DPYS: variants seen among roughly 807,000 people sequenced by gnomAD.
DPYS encodes the protein dihydropyrimidinase, also known as dihydropyrimidine amidohydrolase.
In DPYS, 39 loss-of-function variants were observed where a neutral mutation model predicts 50.3. The ratio of observed to expected loss-of-function variants is 0.78; its 90% CI spans 0.60 to 1.01. The LOEUF (loss-of-function observed/expected upper bound fraction) is 1.01, where lower values mean the gene tolerates loss of function less well. DPYS is among the 50% of genes least tolerant of loss of function. The pLI is 0.00. For synonymous variants in DPYS, 245 were observed against 250.7 expected (o/e 0.98, Z 0.22); for missense variants, 659 against 680.9 (o/e 0.97, Z 0.36).
At chr8:104,443,786 A>G (rs1813431683) in intron 4 of DPYS, among the ~76,000 whole-genome samples, 1 of 152,142 alleles carries the variant, frequency 6.6e-6, no homozygotes, top group Admixed American at 6.5e-5. Flanking sequence ...CCAGCTACTC[A>G]GGAGGCTGAG....
At chr8:104,422,503 C>A (rs550881381) in intron 7 of DPYS, among the ~76,000 whole-genome samples, 2 of 152,268 alleles carry the variant, frequency 1.3e-5, no homozygotes, top group Admixed American at 1.3e-4. Flanking sequence ...ACCGTTTTCT[C>A]ATTGTCATAA....
rs1564079196 is a variant in DPYS at position 104,389,546 on chromosome 8, T to TTTTA, written c.1443+3237_1443+3238insTAAA. Among the ~76,000 whole-genome samples the TTTTA allele has an allele frequency of 2.8e-4, 43 of 152,056 alleles. 1 individual carries two copies. The highest frequency in any genetic ancestry group is 8.9e-4 in the African/African-American group (37 of 41,466). On this transcript the variant is annotated intron_variant, in intron 8 of 9. Coordinates refer to ENST00000351513, the MANE Select transcript of DPYS (RefSeq NM_001385.3). ...GACTATTTTCTTCCTTTTATTTTTT[T>TTTTA]TTTTTTGTCTCTACAGAGGTCCAGT...
intron 4 of DPYS, among the ~76,000 whole-genome samples, chr8:104,440,145 A>G (rs909471186): frequency 2.0e-5 from 3 of 152,196 alleles, no homozygotes; most frequent in African/African-American, 7.2e-5. Flanking sequence ...ACTATGTGCC[A>G]GGCACATATT....
chr8:104,441,926 A>G (rs1157792571), intron 4 of DPYS, among the ~76,000 whole-genome samples: 1 of 152,242 alleles, frequency 6.6e-6, no homozygotes, highest in Non-Finnish European at 1.5e-5. Context: ...CCTTCAGAAC[A>G]TATTTTCAAG....
intron 7 of DPYS, among the ~76,000 whole-genome samples, chr8:104,399,326 A>C (rs996472456): frequency 4.8e-5 from 7 of 146,334 alleles, no homozygotes; most frequent in African/African-American, 7.5e-5. Flanking sequence ...ACAAAAAAAA[A>C]CCAAGAAAAC....
intron 7 of DPYS, among the ~76,000 whole-genome samples, chr8:104,401,301 TA>T (rs1811801016): frequency 6.8e-6 from 1 of 147,264 alleles, no homozygotes; most frequent in African/African-American, 2.6e-5. Flanking sequence ...TTATTATTAT[TA>T]TTATTATTAT....
At chr8:104,395,225 C>T (rs758905396) in intron 7 of DPYS, among the ~76,000 whole-genome samples, 2 of 152,138 alleles carry the variant, frequency 1.3e-5, no homozygotes, top group Non-Finnish European at 2.9e-5. Flanking sequence ...TCTCAAACTC[C>T]AAGGCTCAAG....
chr8:104,387,099 T>C (rs1373181279), intron 8 of DPYS, among the ~76,000 whole-genome samples: 4 of 152,050 alleles, frequency 2.6e-5, no homozygotes, highest in African/African-American at 9.7e-5. Context: ...AAATGAACAG[T>C]GACTCCCTGA....
intron 1 of DPYS, among the ~76,000 whole-genome samples, chr8:104,465,313 G>A (rs902298392): frequency 4.6e-5 from 7 of 152,066 alleles, no homozygotes; most frequent in Admixed American, 4.6e-4. Flanking sequence ...AGGGAGTGAT[G>A]GAGAGAAGGA....
intron 4 of DPYS, 85 bp downstream of exon 4, chr8:104,444,163 T>C: frequency 6.8e-7 from 1 of 1,469,642 alleles, no homozygotes. Context: ...ATGCACTTTC[T>C]CCTAAACTGA....
At chr8:104,423,682 G>A (rs1037660932) in intron 7 of DPYS, among the ~76,000 whole-genome samples, 3 of 152,174 alleles carry the variant, frequency 2.0e-5, no homozygotes, top group Non-Finnish European at 4.4e-5. Flanking sequence ...CAGAGCTCCA[G>A]TCTCTATTGA....
Position 104,424,265 on chromosome 8 carries a change from C to T in DPYS, c.1217G>A (p.Trp406Ter), listed in dbSNP as rs770063251. ...AVGSDADIVI[W>*]DPKGTRTISA... ...GACTTACCTTGTGCCTTTTGGGTCCCAAATAACAATGTCAGCATCTGATCC... is the reference window on the plus strand; with the variant it reads ...GACTTACCTTGTGCCTTTTGGGTCCTAAATAACAATGTCAGCATCTGATCC... Residue 406 changes from tryptophan to a stop codon, truncating the protein, a stop_gained, in exon 7 of 10, where the codon TGG becomes TAG. Coordinates refer to ENST00000351513, the MANE Select transcript of DPYS (RefSeq NM_001385.3). LOFTEE classifies it high-confidence loss of function. 4.0e-5 allele frequency: 65 copies of T among 1,613,976 alleles called. No homozygotes were observed. The highest frequency in any genetic ancestry group is 5.4e-5 in the Non-Finnish European group (64 of 1,179,998).
Position 104,414,601 on chromosome 8 carries a change from C to T in DPYS, c.1235+9646G>A, listed in dbSNP as rs147990137. Reference sequence around the variant, plus strand: ...TTACTCACTGCCTCCAAATAGACTTCCACTGTAGTCTTCTAGAGGGAGGGG... The same window carrying T: ...TTACTCACTGCCTCCAAATAGACTTTCACTGTAGTCTTCTAGAGGGAGGGG... On this transcript the variant is annotated intron_variant, in intron 7 of 9. Coordinates refer to ENST00000351513, the MANE Select transcript of DPYS (RefSeq NM_001385.3). 9.3e-3 allele frequency among the ~76,000 whole-genome samples: 1,417 copies of T among 152,228 alleles called. 12 individuals carry two copies. The highest frequency in any genetic ancestry group is 0.016 in the Non-Finnish European group (1,059 of 68,022).
At chr8:104,388,190 A>G (rs1158510452) in intron 8 of DPYS, among the ~76,000 whole-genome samples, 1 of 152,244 alleles carries the variant, frequency 6.6e-6, no homozygotes, top group Non-Finnish European at 1.5e-5. Context: ...CAAAGCAGCC[A>G]TCCACTCAAT....
chr8:104,422,476 T>C (rs1013483581), intron 7 of DPYS, among the ~76,000 whole-genome samples: 7 of 152,206 alleles, frequency 4.6e-5, no homozygotes, highest in African/African-American at 1.7e-4. Context: ...ACCTGTCACT[T>C]ACACGGTTGT....
intron 7 of DPYS, among the ~76,000 whole-genome samples, chr8:104,410,349 C>G (rs1486049134): frequency 5.9e-5 from 9 of 152,102 alleles, no homozygotes; most frequent in African/African-American, 2.2e-4. Context: ...TCAGATTTCC[C>G]CAGCCGACAG....
At chr8:104,402,171 T>G (rs1357163100) in intron 7 of DPYS, among the ~76,000 whole-genome samples, 1 of 152,196 alleles carries the variant, frequency 6.6e-6, no homozygotes, top group African/African-American at 2.4e-5. Context: ...ACCTTGTATG[T>G]AGGTACCATG....
intron 7 of DPYS, among the ~76,000 whole-genome samples, chr8:104,418,374 G>A (rs1309972749): frequency 6.6e-6 from 1 of 152,128 alleles, no homozygotes; most frequent in East Asian, 1.9e-4. Flanking sequence ...TTACCAGCCT[G>A]CATTTAATGT....
chr8:104,398,595 T>C (rs950478901), intron 7 of DPYS, among the ~76,000 whole-genome samples: 4 of 152,262 alleles, frequency 2.6e-5, no homozygotes, highest in African/African-American at 4.8e-5. Flanking sequence ...TATGGAACTT[T>C]TAGAAAAATC....
Sources: allele counts gnomAD v4.1 joint callset (sites outside exome capture counted in the v4.1 genomes callset), GRCh38; gene constraint gnomAD v4.1.1; transcripts MANE v1.5; gene names NCBI Gene and HGNC (gene_info 2026-07-23, HGNC 2026-07-21).